The following RGS7 variants were observed in gnomAD, a reference collection of about 807,000 sequenced individuals.
The protein encoded by RGS7 is regulator of G protein signaling 7.
In RGS7, 27 loss-of-function variants were observed where a neutral mutation model predicts 81.1. That is an observed-to-expected ratio of 0.33 (90% CI 0.25 to 0.46). The LOEUF is 0.46. Ranked by LOEUF, RGS7 falls within the 20% of genes least tolerant of loss-of-function variation. The pLI is 1.00. For synonymous variants in RGS7, 208 were observed against 207.7 expected (o/e 1.00, Z -0.01); for missense variants, 396 against 607.4 (o/e 0.65, Z 3.66).
intron 10 of RGS7, among the ~76,000 whole-genome samples, chr1:240,820,894 C>A (rs187409973): frequency 2.6e-5 from 4 of 152,200 alleles, no homozygotes; most frequent in Admixed American, 2.0e-4. Context: ...GTACAAGAAG[C>A]CTTTCTGTGT....
At chr1:241,228,227 C>G (rs1281731912) in intron 2 of RGS7, among the ~76,000 whole-genome samples, 1 of 152,314 alleles carries the variant, frequency 6.6e-6, no homozygotes, top group South Asian at 2.1e-4. Context: ...ACCCCGGCCA[C>G]AATGCCAAAA....
At chr1:240,787,838 G>T (rs1017352477) in intron 18 of RGS7, among the ~76,000 whole-genome samples, 3 of 152,054 alleles carry the variant, frequency 2.0e-5, no homozygotes, top group Non-Finnish European at 2.9e-5. Context: ...CTCAGCACAT[G>T]AGAAAAAAAA....
At chr1:240,886,466 T>C (rs1188873454) in intron 6 of RGS7, among the ~76,000 whole-genome samples, 2 of 152,194 alleles carry the variant, frequency 1.3e-5, no homozygotes, top group Non-Finnish European at 1.5e-5. Context: ...CCCTGTGGCA[T>C]CTTGCTTAAT....
intron 2 of RGS7, among the ~76,000 whole-genome samples, chr1:241,138,147 G>A (rs970432826): frequency 6.8e-6 from 1 of 147,512 alleles, no homozygotes; most frequent in African/African-American, 2.6e-5. Flanking sequence ...ACTCCAGCCT[G>A]GGTAACAGAG....
At chr1:241,061,435 T>C (rs916565862) in intron 3 of RGS7, among the ~76,000 whole-genome samples, 1 of 152,160 alleles carries the variant, frequency 6.6e-6, no homozygotes, top group African/African-American at 2.4e-5. Flanking sequence ...CAATCACCAA[T>C]GGACAAGTTC....
At chr1:241,030,498 AC>A (rs1425411105) in intron 3 of RGS7, among the ~76,000 whole-genome samples, 137 of 128,212 alleles carry the variant, frequency 1.1e-3, no homozygotes, top group African/African-American at 4.2e-3. Context: ...AGATGTACAC[AC>A]ACACACACAC....
chr1:241,234,266 G>T (rs1221964871), intron 2 of RGS7, among the ~76,000 whole-genome samples: 2 of 152,140 alleles, frequency 1.3e-5, no homozygotes, highest in Non-Finnish European at 2.9e-5. Flanking sequence ...CCTGCCAGTT[G>T]TTTATCGATA....
intron 5 of RGS7, among the ~76,000 whole-genome samples, chr1:240,931,476 G>T (rs1675430120): frequency 2.0e-5 from 3 of 152,008 alleles, no homozygotes; most frequent in Non-Finnish European, 4.4e-5. Context: ...TGAGGGAATG[G>T]AGATCCCATT....
intron 2 of RGS7, among the ~76,000 whole-genome samples, chr1:241,313,557 T>A (rs1447660460): frequency 2.6e-5 from 4 of 152,232 alleles, no homozygotes; most frequent in Admixed American, 6.5e-5. Context: ...ATGAAAAGAT[T>A]AACGTTGTTT....
At chr1:241,345,950 G>A (rs1302895111) in intron 2 of RGS7, among the ~76,000 whole-genome samples, 1 of 151,982 alleles carries the variant, frequency 6.6e-6, no homozygotes, top group Admixed American at 6.6e-5. Flanking sequence ...AGGAGGCAGA[G>A]ATTGCAGTGA....
At chr1:241,035,360 T>A (rs1464529930) in intron 3 of RGS7, among the ~76,000 whole-genome samples, 1 of 150,396 alleles carries the variant, frequency 6.6e-6, no homozygotes. Context: ...CATAAGGAAG[T>A]AAAAAAAAAA....
At chr1:240,865,193 C>T (rs1018613535) in intron 9 of RGS7, among the ~76,000 whole-genome samples, 2 of 152,138 alleles carry the variant, frequency 1.3e-5, no homozygotes, top group African/African-American at 2.4e-5. Flanking sequence ...AGGTGGGCCT[C>T]GTAAATAATG....
chr1:241,013,093 C>T lies in RGS7; in HGVS notation c.176-29964G>A, dbSNP rs533744570. On this transcript the variant is annotated intron_variant, in intron 3 of 18. Coordinates refer to ENST00000440928, the MANE Select transcript of RGS7 (RefSeq NM_001364886.1). ...TTTTTTTTTTTGTGAAACGGAGTCC[C>T]ACTCTGTTGCCCAGGCTGGAATGCA... Among the ~76,000 whole-genome samples the T allele has an allele frequency of 1.1e-4, 15 of 139,678 alleles. No homozygotes were observed. In the East Asian group the frequency reaches 3.2e-3, roughly 30 times the overall value. The allele number at this position is 139,678 out of a possible 152,430, so 91.6% of individuals were successfully genotyped here.
At chr1:241,145,260 C>T (rs1042388634) in intron 2 of RGS7, among the ~76,000 whole-genome samples, 2 of 152,028 alleles carry the variant, frequency 1.3e-5, no homozygotes, top group Non-Finnish European at 2.9e-5. Context: ...CTGTGATTCT[C>T]CCGCTTCAGC....
chr1:241,268,046 C>A (rs1388469464), intron 2 of RGS7, among the ~76,000 whole-genome samples: 2 of 152,142 alleles, frequency 1.3e-5, no homozygotes, highest in Non-Finnish European at 2.9e-5. Context: ...GCTGACCGGA[C>A]CGTTGAGCAC....
chr1:241,080,796 T>C (rs1210089843), intron 3 of RGS7, among the ~76,000 whole-genome samples: 1 of 152,254 alleles, frequency 6.6e-6, no homozygotes, highest in Non-Finnish European at 1.5e-5. Flanking sequence ...ATAGGCTAAG[T>C]AAATTACTAA....
At chr1:241,188,655 C>A (rs1200871427) in intron 2 of RGS7, among the ~76,000 whole-genome samples, 1 of 152,022 alleles carries the variant, frequency 6.6e-6, no homozygotes, top group Non-Finnish European at 1.5e-5. Flanking sequence ...AATAAAACCA[C>A]CTCATGATAG....
At chr1:241,167,580 G>A (rs11799751) in intron 2 of RGS7, among the ~76,000 whole-genome samples, 23 of 151,688 alleles carry the variant, frequency 1.5e-4, no homozygotes, top group African/African-American at 2.2e-4. Flanking sequence ...GGGCAATGGC[G>A]CAATCTCGGC....
intron 2 of RGS7, among the ~76,000 whole-genome samples, chr1:241,270,822 C>G: frequency 6.6e-6 from 1 of 151,496 alleles, no homozygotes; most frequent in Non-Finnish European, 1.5e-5. Context: ...CAGTTGGCGC[C>G]ATCTTGGTTC....
Sources: allele counts gnomAD v4.1 joint callset (sites outside exome capture counted in the v4.1 genomes callset), GRCh38; gene constraint gnomAD v4.1.1; transcripts MANE v1.5; gene names NCBI Gene and HGNC (gene_info 2026-07-23, HGNC 2026-07-21).